Variants in ZNF623 observed in about 807,000 individuals in gnomAD.
ZNF623 encodes zinc finger protein 623.
In ZNF623, 16 loss-of-function variants were observed where a neutral mutation model predicts 24.0. That is an observed-to-expected ratio of 0.67 (90% CI 0.45 to 1.01). ZNF623 has a LOEUF of 1.01. Among genes scored for constraint, ZNF623 ranks in the 50% least tolerant of loss-of-function variants. The pLI is 0.00. For synonymous variants in ZNF623, 224 were observed against 219.8 expected, an observed-to-expected ratio of 1.02 and a Z score of -0.17; for missense variants, 566 against 606.5, an observed-to-expected ratio of 0.93 and a Z score of 0.70.
intron 1 of ZNF623, among the ~76,000 whole-genome samples, chr8:143,645,621 T>C (rs974121880): frequency 1.3e-5 from 2 of 152,118 alleles, no homozygotes; most frequent in African/African-American, 4.8e-5. Flanking sequence ...AGGGAAAAAG[T>C]GATTCCTGGC....
chr8:143,641,237 G>C (rs375955919), intron 1 of ZNF623, among the ~76,000 whole-genome samples: 2 of 152,088 alleles, frequency 1.3e-5, no homozygotes, highest in African/African-American at 4.8e-5. Flanking sequence ...GAAGGTTTTC[G>C]GCTGACTTTG....
chr8:143,650,236 G>A lies in ZNF623; in HGVS notation c.244G>A (p.Ala82Thr). 1 of 1,491,826 alleles carries A rather than the reference G, an allele frequency of 6.7e-7. No homozygotes were observed. The highest frequency in any genetic ancestry group is 1.7e-5 in the Admixed American group (1 of 59,798). The allele number at this position is 1,491,826 out of a possible 1,614,324, so 92.4% of individuals were successfully genotyped here. A position where few individuals can be genotyped will look rare whatever the true frequency, so the allele number is the denominator to read the frequency against. The change falls in exon 2 of 2, where the codon GCC becomes ACC. Residue 82 changes from alanine (A) to threonine (T), a missense_variant. Ala to Thr is a moderately conservative substitution (Grantham distance 58). Transcript: ENST00000526926. This position sits in a 1 kb window ranked among gnomAD's most constrained non-coding sequence, Gnocchi z 5.2. ...TCAGAGAGAGCTCATAGAGGGGGAA[G>A]CCAATCCTTGCGATATCTGTGGCAA... ...LLQRELIEGE[A>T]NPCDICGKTF... is the part of the protein sequence containing the mutation.
At chr8:143,637,436 G>A (rs1814949822) in intron 1 of ZNF623, among the ~76,000 whole-genome samples, 1 of 152,212 alleles carries the variant, frequency 6.6e-6, no homozygotes, top group South Asian at 2.1e-4. Context: ...GGGTGCAAGA[G>A]CTGGGGGCTT....
In ZNF623 at chr8:143,651,606, G is replaced by A; in HGVS notation, c.*123G>A. The A allele has an allele frequency of 8.9e-7, 1 of 1,120,176 alleles. No individual in the cohort carries two copies. The highest frequency in any genetic ancestry group is 1.3e-6 in the Non-Finnish European group (1 of 790,796). The allele number at this position is 1,120,176 out of a possible 1,614,324, so 69.4% of individuals were successfully genotyped here. On this transcript the variant is annotated 3_prime_UTR_variant, in exon 2 of 2. Transcript: ENST00000526926. ...CATGGATGGGGCTGCTTTTGCAGTG[G>A]GTGCCACCTGCCACTGTGCAGCCCT...
At position 143,650,186 on chromosome 8, in the gene ZNF623, T is replaced by G. The variant is rs1415149096; in HGVS notation, c.194T>G (p.Ile65Ser). The G allele has an allele frequency of 2.5e-6, 4 of 1,614,212 alleles. No individual in the cohort carries two copies. In the East Asian group the frequency reaches 8.9e-5, roughly 36 times the overall value. ...TGCACCAAGTCAGGAAGAAACCATA[T>G]TCTGAACTCAGACCTTCTTCTGCTT... is the stretch of plus-strand genomic sequence containing the variant. ...QVCTKSGRNH[I>S]LNSDLLLLQR... Residue 65 changes from isoleucine to serine, a missense_variant, in exon 2 of 2, where the codon ATT (isoleucine) becomes AGT (serine). By Grantham distance (142) the Ile-to-Ser change is moderately radical. This residue lies in a region of ZNF623 where 313 missense variants were observed against 300.4 expected (regional missense o/e 1.04). Coordinates refer to ENST00000526926, the MANE Select transcript of ZNF623 (RefSeq NM_001261843.2). This position sits in a 1 kb window ranked among gnomAD's most constrained non-coding sequence, Gnocchi z 5.2.
Position 143,650,483 on chromosome 8 carries a change from A to G in ZNF623, c.491A>G (p.Glu164Gly). Residue 164 changes from glutamate (E) to glycine (G), a missense_variant, in exon 2 of 2, where the codon GAA (glutamate) becomes GGA (glycine). Physicochemically the swap from Glu to Gly is moderately conservative, Grantham distance 98. Coordinates refer to ENST00000526926, the MANE Select transcript of ZNF623 (RefSeq NM_001261843.2). The surrounding 1 kb of genome is among the most constrained non-coding windows in gnomAD (Gnocchi z 5.2). ...GAGCATCAGCGCGTTCATTCAGGAG[A>G]AAAGCCCTTCAAATGTGCGCAGTGT... ...LIEHQRVHSGEKPFKCAQCGK... is the reference protein window; with the variant it reads ...LIEHQRVHSGGKPFKCAQCGK... 1 of 1,614,170 alleles carries G rather than the reference A, an allele frequency of 6.2e-7. No homozygotes were observed. Among genetic ancestry groups the G allele is most frequent in the South Asian group, 1.1e-5 (1 of 91,082 alleles).
In ZNF623 at chr8:143,651,086, G is replaced by A. The variant is rs778655258; in HGVS notation, c.1094G>A (p.Cys365Tyr). The change falls in exon 2 of 2, where the codon TGT (cysteine) becomes TAT (tyrosine). Residue 365 changes from cysteine to tyrosine, a missense_variant. Transcript: ENST00000526926. ...KIHTGERVYE[C>Y]KECGKAFLQK... Reference sequence around the variant, plus strand: ...CACACTGGAGAGAGAGTGTATGAATGTAAGGAATGTGGGAAAGCGTTTCTC... The same window carrying A: ...CACACTGGAGAGAGAGTGTATGAATATAAGGAATGTGGGAAAGCGTTTCTC... The A allele has an allele frequency of 6.2e-7, 1 of 1,614,184 alleles. No homozygotes were observed. Among genetic ancestry groups the A allele is most frequent in the Non-Finnish European group, 8.5e-7 (1 of 1,180,034 alleles).
rs1814912261 is a variant in ZNF623, at chr8:143,636,090, G to A, written c.-151G>A. 1 of 152,206 alleles carries A rather than the reference G, an allele frequency of 6.6e-6. No individual in the cohort carries two copies. The highest frequency in any genetic ancestry group is 2.1e-4 in the South Asian group (1 of 4,836). The allele number at this position is 152,206 out of a possible 1,614,324, so 9.4% of individuals were successfully genotyped here. ...GATCTGTGGGGCCCGCGCCGGCGGGGTCCAGTCAGCGGCTGCAGGGTCGGG... is the reference window on the plus strand; with the variant it reads ...GATCTGTGGGGCCCGCGCCGGCGGGATCCAGTCAGCGGCTGCAGGGTCGGG... On this transcript the variant is annotated 5_prime_UTR_variant, in exon 1 of 2. Transcript: ENST00000526926.
At chr8:143,638,759 A>AAT (rs113265661) in intron 1 of ZNF623, among the ~76,000 whole-genome samples, 7 of 151,518 alleles carry the variant, frequency 4.6e-5, no homozygotes, top group Admixed American at 6.6e-5. Context: ...TGTCTCAAAA[A>AAT]ATATATATAT....
rs1815324282 is a variant in ZNF623 at position 143,651,614 on chromosome 8, C to T, written c.*131C>T. Reference sequence around the variant, plus strand: ...GGGCTGCTTTTGCAGTGGGTGCCACCTGCCACTGTGCAGCCCTACTCGGCT... The same window carrying T: ...GGGCTGCTTTTGCAGTGGGTGCCACTTGCCACTGTGCAGCCCTACTCGGCT... On this transcript the variant is annotated 3_prime_UTR_variant, in exon 2 of 2. Transcript: ENST00000526926. 3.8e-6 allele frequency: 4 copies of T among 1,039,224 alleles called. No homozygotes were observed. Among genetic ancestry groups the T allele is most frequent in the East Asian group, 5.1e-5 (2 of 39,280 alleles). 64.4% of individuals were successfully genotyped at this position (1,039,224 alleles called of 1,614,324 possible).
chr8:143,649,060 G>A (rs897983775), intron 1 of ZNF623, among the ~76,000 whole-genome samples: 14 of 151,980 alleles, frequency 9.2e-5, no homozygotes, highest in East Asian at 1.9e-4. Context: ...GGCAGATCAC[G>A]AGGTCAGGAG....
In ZNF623 at chr8:143,652,016, G is replaced by A. The variant is rs200922524; in HGVS notation, c.*533G>A. 1.8e-4 allele frequency: 31 copies of A among 168,318 alleles called. No individual in the cohort carries two copies. The East Asian group carries it at 3.7e-3, about 20-fold the overall frequency. 10.4% of individuals were successfully genotyped at this position (168,318 alleles called of 1,614,324 possible). On this transcript the variant is annotated 3_prime_UTR_variant, in exon 2 of 2. Coordinates refer to ENST00000526926, the MANE Select transcript of ZNF623 (RefSeq NM_001261843.2). ...CCCACTGCCTGACTTCCTGCCACAC[G>A]GTTAATGCTGCAGCAACACCGACTG...
intron 1 of ZNF623, among the ~76,000 whole-genome samples, chr8:143,645,068 T>G (rs1279885509): frequency 6.6e-6 from 1 of 151,526 alleles, no homozygotes; most frequent in Non-Finnish European, 1.5e-5. Context: ...CTGGAGATTT[T>G]GATGAGCCGA....
At chr8:143,648,878 GT>G (rs1815229655) in intron 1 of ZNF623, among the ~76,000 whole-genome samples, 1 of 152,046 alleles carries the variant, frequency 6.6e-6, no homozygotes, top group South Asian at 2.1e-4. Context: ...GGAGTGCTGA[GT>G]TTGTAAGAAG....
At chr8:143,642,006 C>G (rs1815066132) in intron 1 of ZNF623, among the ~76,000 whole-genome samples, 2 of 152,198 alleles carry the variant, frequency 1.3e-5, no homozygotes, top group Admixed American at 1.3e-4. Context: ...TCAGCCTGTC[C>G]TTTTCAATCT....
At chr8:143,637,940 T>A (rs143140785) in intron 1 of ZNF623, among the ~76,000 whole-genome samples, 53 of 152,346 alleles carry the variant, frequency 3.5e-4, no homozygotes, top group African/African-American at 1.2e-3. Flanking sequence ...GTCAGGTGGC[T>A]TCCTTTTTTT....
intron 1 of ZNF623, among the ~76,000 whole-genome samples, chr8:143,648,784 G>A (rs369395836): frequency 4.6e-5 from 7 of 152,122 alleles, no homozygotes; most frequent in Non-Finnish European, 7.4e-5. Context: ...GGCAGGAGAC[G>A]TGGGAGGCAG....
chr8:143,640,902 C>G (rs1266433422), intron 1 of ZNF623, among the ~76,000 whole-genome samples: 1 of 148,898 alleles, frequency 6.7e-6, no homozygotes, highest in Non-Finnish European at 1.5e-5. Context: ...GATTGCACCA[C>G]TCCACTCTGC....
At position 143,636,162 on chromosome 8, in the gene ZNF623, G is replaced by A. The variant is rs1176059373; in HGVS notation, c.-96+17G>A. 6.6e-6 allele frequency: 1 copy of A among 152,052 alleles called. No individual in the cohort carries two copies. Among genetic ancestry groups the A allele is most frequent in the Non-Finnish European group, 1.5e-5 (1 of 67,972 alleles). 9.4% of individuals were successfully genotyped at this position (152,052 alleles called of 1,614,324 possible). A position where few individuals can be genotyped will look rare whatever the true frequency, so the allele number is the denominator to read the frequency against. On this transcript the variant is annotated intron_variant, in intron 1 of 1. Transcript: ENST00000526926. The stretch of plus-strand genomic sequence containing the variant: ...CCGCGCCGGGTGAGTGGCGCGTTCC[G>A]GACGGGGGCGGGCAACGCCTTAGCC...
Sources: gnomAD v4.1 joint callset for allele counts (sites outside exome capture counted in the v4.1 genomes callset) on GRCh38, gnomAD v4.1.1 for gene constraint, gnomAD v4.1.1 regional missense constraint, Gnocchi (gnomAD v3.1) non-coding constraint, MANE v1.5 for transcripts, NCBI Gene and HGNC (gene_info 2026-07-23, HGNC 2026-07-21) for gene names.